Variants in DAB2IP observed in about 807,000 individuals in gnomAD.
DAB2IP encodes disabled homolog 2-interacting protein.
A neutral mutation model predicts 107.2 loss-of-function variants in DAB2IP; 28 were observed. The ratio of observed to expected loss-of-function variants is 0.26; its 90% CI spans 0.19 to 0.36. DAB2IP has a LOEUF of 0.36. DAB2IP is among the 10% of genes least tolerant of loss of function. DAB2IP has a pLI of 1.00. For missense variants in DAB2IP, 1,400 were observed against 1,644.7 expected (o/e 0.85, Z 2.57); for synonymous variants, 755 against 706.4 (o/e 1.07, Z -1.09).
At chr9:121,687,284 C>T (rs1466876437) in intron 2 of DAB2IP, among the ~76,000 whole-genome samples, 3 of 152,166 alleles carry the variant, frequency 2.0e-5, no homozygotes, top group Non-Finnish European at 4.4e-5. Context: ...GACCAGAAAG[C>T]CAGGGGTTCT....
intron 1 of DAB2IP, among the ~76,000 whole-genome samples, chr9:121,619,290 G>T (rs984146943): frequency 6.6e-6 from 1 of 152,158 alleles, no homozygotes; most frequent in Non-Finnish European, 1.5e-5. Flanking sequence ...GGGACTGCAG[G>T]TACGCGCCAC....
chr9:121,708,865 A>G (rs1830187577), intron 3 of DAB2IP, among the ~76,000 whole-genome samples: 1 of 152,206 alleles, frequency 6.6e-6, no homozygotes, highest in South Asian at 2.1e-4. Context: ...GGCTCAGGGA[A>G]GAGAATGACT....
At chr9:121,588,264 A>G (rs140173681) in intron 1 of DAB2IP, among the ~76,000 whole-genome samples, 1,727 of 152,028 alleles carry the variant, frequency 0.011, 17 homozygotes, top group Middle Eastern at 0.061. Context: ...TTCTGTCTCA[A>G]GAAGAGCCGG....
At chr9:121,677,470 T>C (rs940698027) in intron 1 of DAB2IP, among the ~76,000 whole-genome samples, 1 of 152,076 alleles carries the variant, frequency 6.6e-6, no homozygotes, top group African/African-American at 2.4e-5. Context: ...TGGTTGAGTA[T>C]GATTGCATCA....
Position 121,768,428 on chromosome 9 carries a change from C to T in DAB2IP, c.1698-4C>T. On this transcript the variant is annotated splice_polypyrimidine_tract_variant and splice_region_variant and intron_variant, in intron 9 of 15. Transcript: ENST00000408936. ...TAGTGCTCACCCAACTGCCCTCTCT[C>T]CAGATTTGGCAGCAAGGAGGAATAC... 6.2e-7 allele frequency: 1 copy of T among 1,614,152 alleles called. No homozygotes were observed. The highest frequency in any genetic ancestry group is 8.5e-7 in the Non-Finnish European group (1 of 1,180,010).
In DAB2IP at chr9:121,760,089, C is replaced by A; in HGVS notation, c.820C>A (p.His274Asn). The change falls in exon 6 of 16, where the codon CAC (histidine) becomes AAC (asparagine). Residue 274 changes from histidine to asparagine, a missense_variant. By Grantham distance (68) the His-to-Asn change is moderately conservative. Around this residue, in one of 3 missense-constraint regions of DAB2IP, gnomAD observed 517 missense variants for 748.6 expected, o/e 0.69. Transcript: ENST00000408936. The surrounding 1 kb of genome is among the most constrained non-coding windows in gnomAD (Gnocchi z 5.9). ...GCCGCCTCTGCGCACGGTCACTGTCCACCTGTACCGGGAGACCGACAAGAA... is the reference window on the plus strand; with the variant it reads ...GCCGCCTCTGCGCACGGTCACTGTCAACCTGTACCGGGAGACCGACAAGAA... 1 of 1,614,044 alleles carries A rather than the reference C, an allele frequency of 6.2e-7. No homozygotes were observed. Among genetic ancestry groups the A allele is most frequent in the Non-Finnish European group, 8.5e-7 (1 of 1,180,030 alleles).
chr9:121,584,712 G>A (rs1019237421), intron 1 of DAB2IP, among the ~76,000 whole-genome samples: 1 of 152,176 alleles, frequency 6.6e-6, no homozygotes, highest in Non-Finnish European at 1.5e-5. Context: ...GGCAAAGGGT[G>A]GGAAGTAGAG....
chr9:121,656,674 G>A (rs1468030981), intron 1 of DAB2IP, among the ~76,000 whole-genome samples: 1 of 152,130 alleles, frequency 6.6e-6, no homozygotes, highest in African/African-American at 2.4e-5. Context: ...TACGGCTCCT[G>A]TGTGCTGCGT....
At chr9:121,637,322 A>C (rs892327439) in intron 1 of DAB2IP, among the ~76,000 whole-genome samples, 3 of 152,232 alleles carry the variant, frequency 2.0e-5, no homozygotes, top group Non-Finnish European at 4.4e-5. Flanking sequence ...TGAGCCTAGC[A>C]AGCACCCGTG....
At chr9:121,613,306 C>A (rs1402902876) in intron 1 of DAB2IP, among the ~76,000 whole-genome samples, 1 of 152,230 alleles carries the variant, frequency 6.6e-6, no homozygotes, top group Non-Finnish European at 1.5e-5. Flanking sequence ...ACTGCCCTTG[C>A]CTCTTGCCTT....
At chr9:121,622,190 G>A (rs550043697) in intron 1 of DAB2IP, among the ~76,000 whole-genome samples, 28 of 151,352 alleles carry the variant, frequency 1.8e-4, no homozygotes, top group Admixed American at 4.6e-4. Context: ...GAGTTTCACC[G>A]TGTTGGCCAC....
rs868194396 is a variant in DAB2IP, at chr9:121,699,088, G to T, written c.229-237G>T. Among the ~76,000 whole-genome samples the T allele has an allele frequency of 6.8e-6, 1 of 147,716 alleles. No individual in the cohort carries two copies. The highest frequency in any genetic ancestry group is 2.4e-5 in the African/African-American group (1 of 40,928). ...GCGTCGCCAAGGCAACAGCGGCTTA[G>T]GGGGCGGGGGCGACGTGGCGGGCGG... On this transcript the variant is annotated intron_variant, in intron 2 of 15. Coordinates refer to ENST00000408936, the Ensembl canonical transcript of DAB2IP. This position sits in a 1 kb window ranked among gnomAD's most constrained non-coding sequence, Gnocchi z 6.2.
intron 3 of DAB2IP, among the ~76,000 whole-genome samples, chr9:121,704,456 C>T (rs1476306969): frequency 3.3e-5 from 5 of 152,162 alleles, no homozygotes; most frequent in African/African-American, 7.2e-5. Flanking sequence ...TGGCCAGTGG[C>T]AGTGCTTCTT....
chr9:121,699,504 C>A lies in DAB2IP; in HGVS notation c.362+46C>A. 1 of 1,228,332 alleles carries A rather than the reference C, an allele frequency of 8.1e-7. No homozygotes were observed. The highest frequency in any genetic ancestry group is 1.6e-5 in the African/African-American group (1 of 62,062). 76.1% of individuals were successfully genotyped at this position (1,228,332 alleles called of 1,614,324 possible). On this transcript the variant is annotated intron_variant, in intron 3 of 15. Coordinates refer to ENST00000408936, the Ensembl canonical transcript of DAB2IP. This position sits in a 1 kb window ranked among gnomAD's most constrained non-coding sequence, Gnocchi z 6.2. Reference sequence around the variant, plus strand: ...CGGTCCCCCGCGCCGCCGCCCCGGGCTGCGCCCCTGAGGACGCGGGGACAA... The same window carrying A: ...CGGTCCCCCGCGCCGCCGCCCCGGGATGCGCCCCTGAGGACGCGGGGACAA...
At chr9:121,745,450 T>A (rs937717705) in intron 3 of DAB2IP, among the ~76,000 whole-genome samples, 19 of 152,192 alleles carry the variant, frequency 1.2e-4, no homozygotes, top group African/African-American at 4.6e-4. Context: ...CTCCTGGTTG[T>A]CTCCTGCTAG....
chr9:121,754,113 C>T (rs1194381817), intron 3 of DAB2IP, among the ~76,000 whole-genome samples: 1 of 152,188 alleles, frequency 6.6e-6, no homozygotes, highest in Non-Finnish European at 1.5e-5. Context: ...GTTCTTGGGC[C>T]TTGAATTGGT....
intron 1 of DAB2IP, among the ~76,000 whole-genome samples, chr9:121,578,922 G>A (rs1830127810): frequency 6.6e-6 from 1 of 151,562 alleles, no homozygotes; most frequent in Admixed American, 6.6e-5. Context: ...CACTGGCATT[G>A]TGCAACTCAA....
At position 121,684,900 on chromosome 9, in the gene DAB2IP, G is replaced by A. The variant is rs1448894205; in HGVS notation, c.228+6119G>A. 1.3e-5 allele frequency among the ~76,000 whole-genome samples: 2 copies of A among 152,184 alleles called. No individual in the cohort carries two copies. Among genetic ancestry groups the A allele is most frequent in the African/African-American group, 4.8e-5 (2 of 41,430 alleles). On this transcript the variant is annotated intron_variant, in intron 2 of 15. Coordinates refer to ENST00000408936, the Ensembl canonical transcript of DAB2IP. This position sits in a 1 kb window ranked among gnomAD's most constrained non-coding sequence, Gnocchi z 4.0. ...GTCCATCTCAGATGGTCGTTCACTT[G>A]GGACATATTTATGTTTGTGGCCCAT...
At chr9:121,582,298 T>C (rs1830214865) in intron 1 of DAB2IP, among the ~76,000 whole-genome samples, 1 of 151,826 alleles carries the variant, frequency 6.6e-6, no homozygotes, top group Non-Finnish European at 1.5e-5. Flanking sequence ...TGCCTTGAGG[T>C]GGGGGCCAGG....
Sources: allele counts gnomAD v4.1 joint callset (sites outside exome capture counted in the v4.1 genomes callset), GRCh38; gene constraint gnomAD v4.1.1; regional missense constraint gnomAD v4.1.1; non-coding constraint Gnocchi (gnomAD v3.1); transcripts MANE v1.5; gene names NCBI Gene and HGNC (gene_info 2026-07-23, HGNC 2026-07-21).